PRKG1: variants seen among roughly 807,000 people sequenced by gnomAD.
The protein encoded by PRKG1 is cGMP-dependent protein kinase 1.
A neutral mutation model predicts 88.1 loss-of-function variants in PRKG1; 35 were observed. The ratio of observed to expected loss-of-function variants is 0.40; its 90% CI spans 0.30 to 0.53. The LOEUF is 0.53. Ranked by LOEUF, PRKG1 falls within the 20% of genes least tolerant of loss-of-function variation. The probability of loss-of-function intolerance (pLI) is 0.59; values close to 1 mark genes in which losing one functional copy is unlikely to be tolerated. For synonymous variants in PRKG1, 303 were observed against 292.5 expected (o/e 1.04, Z -0.37); for missense variants, 540 against 839.8 (o/e 0.64, Z 4.41).
chr10:52,146,722 A>C (rs1837738820), intron 8 of PRKG1, among the ~76,000 whole-genome samples: 1 of 152,196 alleles, frequency 6.6e-6, no homozygotes, highest in Admixed American at 6.5e-5. Context: ...TGGGCATTTA[A>C]GCTCATTTTA....
At chr10:52,024,999 C>T (rs1845296452) in intron 5 of PRKG1, among the ~76,000 whole-genome samples, 1 of 152,140 alleles carries the variant, frequency 6.6e-6, no homozygotes, top group African/African-American at 2.4e-5. Context: ...CTCTTGTTTC[C>T]GGACTTTTTA....
At chr10:51,012,176 T>G (rs1170445438) in intron 1 of PRKG1, among the ~76,000 whole-genome samples, 2 of 152,146 alleles carry the variant, frequency 1.3e-5, no homozygotes, top group Non-Finnish European at 2.9e-5. Context: ...TTTCAAAAAG[T>G]AGAAGGAAGA....
At chr10:51,686,292 C>T (rs1462662277) in intron 3 of PRKG1, among the ~76,000 whole-genome samples, 2 of 152,126 alleles carry the variant, frequency 1.3e-5, no homozygotes, top group African/African-American at 4.8e-5. Flanking sequence ...TTCTGATCCT[C>T]TCCCTCTTCA....
chr10:51,016,673 CTTTTTTT>C (rs71029341), intron 1 of PRKG1, among the ~76,000 whole-genome samples: 21 of 35,194 alleles, frequency 6.0e-4, no homozygotes, highest in South Asian at 3.4e-3. Context: ...ATTATCCTTT[CTTTTTTT>C]TTTTTTTTTT....
chr10:51,424,852 A>T (rs293327), intron 2 of PRKG1, among the ~76,000 whole-genome samples: 5 of 152,070 alleles, frequency 3.3e-5, no homozygotes, highest in Non-Finnish European at 7.4e-5. Flanking sequence ...ATACCCCAGA[A>T]AGATTATTTT....
chr10:51,837,119 G>A (rs1840152023), intron 4 of PRKG1, among the ~76,000 whole-genome samples: 1 of 152,092 alleles, frequency 6.6e-6, no homozygotes, highest in African/African-American at 2.4e-5. Context: ...TAACTGCATT[G>A]AAAAGGAAGA....
chr10:51,106,990 C>A (rs550780435), intron 1 of PRKG1, among the ~76,000 whole-genome samples: 1 of 152,202 alleles, frequency 6.6e-6, no homozygotes, highest in South Asian at 2.1e-4. Context: ...CAGATGGTAA[C>A]AAATGTTTTG....
rs1342064808 is a variant in PRKG1 at position 52,294,905 on chromosome 10, A to G, written c.*1005A>G. ...TTTCATCTGTAAATGTCAGTGTCTG[A>G]ACAGACAACACAAATTCAAATCATT... is the stretch of plus-strand genomic sequence containing the variant. On this transcript the variant is annotated 3_prime_UTR_variant, in exon 18 of 18. Transcript: ENST00000373980. The G allele has an allele frequency of 6.6e-6, 1 of 152,574 alleles. No homozygotes were observed. The highest frequency in any genetic ancestry group is 1.5e-5 in the Non-Finnish European group (1 of 68,012). The allele number at this position is 152,574 out of a possible 1,614,324, so 9.5% of individuals were successfully genotyped here. A position where few individuals can be genotyped will look rare whatever the true frequency, so the allele number is the denominator to read the frequency against.
intron 7 of PRKG1, among the ~76,000 whole-genome samples, chr10:52,078,726 G>C (rs1348434316): frequency 6.6e-6 from 1 of 152,234 alleles, no homozygotes; most frequent in Non-Finnish European, 1.5e-5. Flanking sequence ...CTAAAGCAGA[G>C]TGAGTCATTA....
At chr10:51,942,713 C>G (rs1377247644) in intron 5 of PRKG1, among the ~76,000 whole-genome samples, 5 of 150,844 alleles carry the variant, frequency 3.3e-5, no homozygotes, top group East Asian at 1.9e-4. Context: ...ATAGGGAATC[C>G]TTTCCCCATT....
chr10:52,254,871 A>T (rs1841270800), intron 10 of PRKG1, among the ~76,000 whole-genome samples: 1 of 152,048 alleles, frequency 6.6e-6, no homozygotes, highest in Non-Finnish European at 1.5e-5. Context: ...TCTTTTAGGC[A>T]TAGGAATTGT....
intron 5 of PRKG1, among the ~76,000 whole-genome samples, chr10:51,975,321 C>T (rs537342063): frequency 8.5e-5 from 13 of 152,070 alleles, no homozygotes; most frequent in South Asian, 4.1e-4. Flanking sequence ...AAGCAGCCTT[C>T]GCATGGTCCA....
intron 2 of PRKG1, among the ~76,000 whole-genome samples, chr10:51,300,220 T>A (rs1179017484): frequency 6.6e-6 from 1 of 152,198 alleles, no homozygotes; most frequent in African/African-American, 2.4e-5. Context: ...AATTGTGTGT[T>A]GGTGAATGAG....
At chr10:51,898,152 GT>G (rs775992820) in intron 4 of PRKG1, among the ~76,000 whole-genome samples, 2 of 152,078 alleles carry the variant, frequency 1.3e-5, no homozygotes, top group Non-Finnish European at 2.9e-5. Flanking sequence ...CCAGAATCCA[GT>G]TATCTATCTC....
intron 1 of PRKG1, among the ~76,000 whole-genome samples, chr10:51,025,559 T>C (rs1177906611): frequency 6.6e-6 from 1 of 152,160 alleles, no homozygotes; most frequent in Non-Finnish European, 1.5e-5. Flanking sequence ...GCTGCCCAAC[T>C]CTGTCATGCT....
intron 5 of PRKG1, among the ~76,000 whole-genome samples, chr10:52,038,923 A>G (rs1845685665): frequency 6.6e-6 from 1 of 152,172 alleles, no homozygotes; most frequent in African/African-American, 2.4e-5. Flanking sequence ...GTTGAGGGAC[A>G]GTGAGAGAGG....
intron 5 of PRKG1, among the ~76,000 whole-genome samples, chr10:51,944,008 G>A (rs1842968797): frequency 6.6e-6 from 1 of 151,964 alleles, no homozygotes; most frequent in Non-Finnish European, 1.5e-5. Context: ...TCTGTTGATT[G>A]GAATAATTTC....
intron 3 of PRKG1, among the ~76,000 whole-genome samples, chr10:51,736,125 C>T (rs927868749): frequency 2.6e-5 from 4 of 151,470 alleles, no homozygotes; most frequent in Admixed American, 1.3e-4. Context: ...CTCCTGGGCT[C>T]GAACGATCCA....
At chr10:52,097,273 A>G (rs1472836730) in intron 7 of PRKG1, among the ~76,000 whole-genome samples, 1 of 152,060 alleles carries the variant, frequency 6.6e-6, no homozygotes, top group African/African-American at 2.4e-5. Flanking sequence ...ACATTGTGTC[A>G]TTTATTTGCT....
Sources: gnomAD v4.1 joint callset for allele counts (sites outside exome capture counted in the v4.1 genomes callset) on GRCh38, gnomAD v4.1.1 for gene constraint, MANE v1.5 for transcripts, NCBI Gene and HGNC (gene_info 2026-07-23, HGNC 2026-07-21) for gene names.